The following GJA5 variants were observed in gnomAD, a reference collection of about 807,000 sequenced individuals.
The protein encoded by GJA5 is gap junction protein alpha 5, also known as gap junction alpha-5 protein.
Under a neutral mutation model 7.9 loss-of-function variants are expected in GJA5, and 3 were observed. The observed-to-expected ratio is 0.38, with a 90% CI of 0.17 to 0.99. The LOEUF (loss-of-function observed/expected upper bound fraction) is 0.99, where lower values mean the gene tolerates loss of function less well. Among genes scored for constraint, GJA5 ranks in the 50% least tolerant of loss-of-function variants. GJA5 has a pLI of 0.38. For missense variants in GJA5, 390 were observed against 457.9 expected, an observed-to-expected ratio of 0.85 and a Z score of 1.35; for synonymous variants, 193 against 181.0, an observed-to-expected ratio of 1.07 and a Z score of -0.53.
At chr1:147,771,371 T>C (rs1482487054) in intron 1 of GJA5, among the ~76,000 whole-genome samples, 4 of 152,112 alleles carry the variant, frequency 2.6e-5, no homozygotes, top group African/African-American at 9.7e-5. Context: ...GCCCTCGGTA[T>C]GAGTGAGCAG....
chr1:147,768,801 C>T (rs1311131236), intron 1 of GJA5, among the ~76,000 whole-genome samples: 4 of 152,166 alleles, frequency 2.6e-5, no homozygotes, highest in Non-Finnish European at 5.9e-5. Flanking sequence ...AACTGAGGCT[C>T]AGAGGCTAAG....
At chr1:147,763,487 C>A (rs791272), upstream of GJA5, among the ~76,000 whole-genome samples, 2 of 152,008 alleles carry the variant, frequency 1.3e-5, no homozygotes, top group Non-Finnish European at 2.9e-5. Context: ...AGCCCTCTGC[C>A]ACTGATACAA....
At position 147,758,081 on chromosome 1, in the gene GJA5, G is replaced by T; in HGVS notation, c.*81C>A. The T allele has an allele frequency of 1.1e-6, 1 of 950,788 alleles. No homozygotes were observed. Among genetic ancestry groups the T allele is most frequent in the Non-Finnish European group, 1.7e-6 (1 of 577,430 alleles). 58.9% of individuals were successfully genotyped at this position (950,788 alleles called of 1,614,324 possible). ...GCCAAGCAGTGATGACAGTGAGAAA[G>T]CATCAGTTCAGAAGGGACACGTCTT... On this transcript the variant is annotated 3_prime_UTR_variant, in exon 2 of 2. Transcript: ENST00000579774.
chr1:147,762,263 G>GA (rs11410338), upstream of GJA5, among the ~76,000 whole-genome samples: 133,697 of 150,978 alleles, frequency 0.89, 59,251 homozygotes, highest in East Asian at 0.98. Flanking sequence ...AATGGAAATA[G>GA]AAAAAAAAAG....
chr1:147,767,015 T>C (rs587624209), intron 1 of GJA5, among the ~76,000 whole-genome samples: 2 of 152,354 alleles, frequency 1.3e-5, no homozygotes, highest in East Asian at 1.9e-4. Flanking sequence ...GGTAGCTTTA[T>C]AAAGCAAAGC....
chr1:147,759,416 C>G (rs1553227141), intron 1 of GJA5, 145 bp from the exon 2 acceptor site: 1 of 593,880 alleles, frequency 1.7e-6, no homozygotes, highest in African/African-American at 1.9e-5. Flanking sequence ...AAGCAACCAA[C>G]GAAAAGCTCG....
rs1553226544 is a variant in GJA5, at chr1:147,757,014, C to T, written c.*1148G>A. ...CTCCAGGAGAGAGAGATCTGGGGGC[C>T]TCCATAGCTGTCATCACACCTCCTC... On this transcript the variant is annotated 3_prime_UTR_variant, in exon 2 of 2. Transcript: ENST00000579774. 1.3e-5 allele frequency: 2 copies of T among 152,212 alleles called. No individual in the cohort carries two copies. The highest frequency in any genetic ancestry group is 4.8e-5 in the African/African-American group (2 of 41,456). The allele number at this position is 152,212 out of a possible 1,614,324, so 9.4% of individuals were successfully genotyped here. A position where few individuals can be genotyped will look rare whatever the true frequency, so the allele number is the denominator to read the frequency against.
At chr1:147,770,380 G>T (rs889484036) in intron 1 of GJA5, among the ~76,000 whole-genome samples, 1 of 151,980 alleles carries the variant, frequency 6.6e-6, no homozygotes, top group Admixed American at 6.6e-5. Context: ...GCAAAGCCAA[G>T]AAACAAGTCC....
At position 147,758,864 on chromosome 1, in the gene GJA5, G is replaced by A; in HGVS notation, c.375C>T (p.Tyr125=). Reference sequence around the variant, plus strand: ...ACAGTTCTGCCTTCTCTGCCACCGGGTACTCGTAAGAGCCAGAGCCCCGGA... The same window carrying A: ...ACAGTTCTGCCTTCTCTGCCACCGGATACTCGTAAGAGCCAGAGCCCCGGA... The part of the protein sequence containing the change: ...KEVRGSGSYE[Y]PVAEKAELSC... The change falls in exon 2 of 2, where the codon TAC becomes TAT. Residue 125 remains tyrosine (Y), a synonymous_variant. Transcript: ENST00000579774. 1.2e-6 allele frequency: 2 copies of A among 1,614,190 alleles called. No individual in the cohort carries two copies. Among genetic ancestry groups the A allele is most frequent in the African/African-American group, 1.3e-5 (1 of 75,038 alleles).
chr1:147,768,000 T>A (rs587665935), intron 1 of GJA5, among the ~76,000 whole-genome samples: 3 of 152,178 alleles, frequency 2.0e-5, no homozygotes, highest in Non-Finnish European at 4.4e-5. Flanking sequence ...ACATTTGGGG[T>A]AACTACTTCA....
intron 1 of GJA5, 108 bp from the exon 2 acceptor site, chr1:147,759,379 C>A (rs1663899136): frequency 1.5e-6 from 1 of 674,124 alleles, no homozygotes; most frequent in Non-Finnish European, 2.6e-6. Flanking sequence ...CCAATGGGTT[C>A]TTTAAGAAAA....
chr1:147,761,410 A>G (rs587762928), upstream of GJA5, among the ~76,000 whole-genome samples: 51 of 152,204 alleles, frequency 3.4e-4, no homozygotes, highest in African/African-American at 1.2e-3. Flanking sequence ...TCAGCTCTTG[A>G]GTTGATTGTT....
At position 147,758,000 on chromosome 1, in the gene GJA5, T is replaced by C; in HGVS notation, c.*162A>G. ...CACCTCTCTTACTATCCCAGAGCCC[T>C]GGTTATAGTTTCTAGAATTAATGAG... On this transcript the variant is annotated 3_prime_UTR_variant, in exon 2 of 2. Transcript: ENST00000579774. The C allele has an allele frequency of 1.6e-6, 1 of 643,310 alleles. No homozygotes were observed. The highest frequency in any genetic ancestry group is 1.8e-5 in the African/African-American group (1 of 55,172). The allele number at this position is 643,310 out of a possible 1,614,324, so 39.9% of individuals were successfully genotyped here. A position where few individuals can be genotyped will look rare whatever the true frequency, so the allele number is the denominator to read the frequency against.
chr1:147,769,490 G>A (rs1664322396), intron 1 of GJA5, among the ~76,000 whole-genome samples: 1 of 152,204 alleles, frequency 6.6e-6, no homozygotes, highest in Non-Finnish European at 1.5e-5. Context: ...GTGTGGACAT[G>A]TGGAGTCACC....
In GJA5 at chr1:147,759,244, CACAGCCAGGGA is replaced by C; in HGVS notation, c.-17_-7del. Reference sequence around the variant, plus strand: ...AGGAAGCTCCAATCGCCCATCTTGGCACAGCCAGGGAACAGATGCCAAAACTTCTGCAAATG... The same window carrying C: ...AGGAAGCTCCAATCGCCCATCTTGGCACAGATGCCAAAACTTCTGCAAATG... On this transcript the variant is annotated 5_prime_UTR_variant, in exon 2 of 2. Coordinates refer to ENST00000579774, the MANE Select transcript of GJA5 (RefSeq NM_181703.4). The C allele has an allele frequency of 2.5e-6, 4 of 1,597,562 alleles. No homozygotes were observed. The highest frequency in any genetic ancestry group is 3.4e-6 in the Non-Finnish European group (4 of 1,165,384).
At chr1:147,763,888 C>T (rs112125899), upstream of GJA5, among the ~76,000 whole-genome samples, 3 of 152,274 alleles carry the variant, frequency 2.0e-5, no homozygotes, top group African/African-American at 7.2e-5. Flanking sequence ...CAGCTCACTG[C>T]AACCTCTGCC....
chr1:147,767,771 A>T (rs1339757537), intron 1 of GJA5, among the ~76,000 whole-genome samples: 4 of 152,266 alleles, frequency 2.6e-5, no homozygotes, highest in Non-Finnish European at 5.9e-5. Context: ...CTCCCAGCTC[A>T]TCTGACAGCA....
Position 147,756,393 on chromosome 1 carries a change from C to G in GJA5, c.*1769G>C, listed in dbSNP as rs1663734243. ...GATTAAAAGGTGTCCCCTCCAGGGA[C>G]CCGGGATGATCAGACATTCCTTCCT... On this transcript the variant is annotated 3_prime_UTR_variant, in exon 2 of 2. Coordinates refer to ENST00000579774, the MANE Select transcript of GJA5 (RefSeq NM_181703.4). The G allele has an allele frequency of 6.6e-6, 1 of 152,162 alleles. No homozygotes were observed. The highest frequency in any genetic ancestry group is 2.4e-5 in the African/African-American group (1 of 41,426). 9.4% of individuals were successfully genotyped at this position (152,162 alleles called of 1,614,324 possible). A position where few individuals can be genotyped will look rare whatever the true frequency, so the allele number is the denominator to read the frequency against.
At chr1:147,763,089 CAATACTT>C (rs1354555986), upstream of GJA5, among the ~76,000 whole-genome samples, 11 of 152,344 alleles carry the variant, frequency 7.2e-5, no homozygotes, top group South Asian at 2.3e-3. Flanking sequence ...CTCACACACT[CAATACTT>C]AAGCTACACA....
Sources: allele counts gnomAD v4.1 joint callset (sites outside exome capture counted in the v4.1 genomes callset), GRCh38; gene constraint gnomAD v4.1.1; transcripts MANE v1.5; gene names NCBI Gene and HGNC (gene_info 2026-07-23, HGNC 2026-07-21).